The following SVOP variants were observed in gnomAD, a reference collection of about 807,000 sequenced individuals.
SVOP encodes the protein SV2 related protein, also known as synaptic vesicle 2-related protein.
In SVOP, 17 loss-of-function variants were observed where a neutral mutation model predicts 69.1. The observed-to-expected ratio is 0.25, with a 90% CI of 0.17 to 0.37. The LOEUF (loss-of-function observed/expected upper bound fraction) is 0.37, where lower values mean the gene tolerates loss of function less well. Ranked by LOEUF, SVOP falls within the 10% of genes least tolerant of loss-of-function variation. SVOP has a pLI of 1.00. For missense variants in SVOP, 435 were observed against 597.5 expected, an observed-to-expected ratio of 0.73 and a Z score of 2.84; for synonymous variants, 238 against 238.6, an observed-to-expected ratio of 1.00 and a Z score of 0.02.
At chr12:109,016,404 G>A (rs2040367886) in intron 1 of SVOP, among the ~76,000 whole-genome samples, 1 of 152,144 alleles carries the variant, frequency 6.6e-6, no homozygotes, top group South Asian at 2.1e-4. Flanking sequence ...TTGTAAGAAA[G>A]GAGACAGTAG....
chr12:108,951,039 T>C (rs1228797303), intron 6 of SVOP, among the ~76,000 whole-genome samples: 1 of 152,230 alleles, frequency 6.6e-6, no homozygotes, highest in South Asian at 2.1e-4. Context: ...AATTAGAGGC[T>C]TGCCATTTGG....
chr12:108,995,832 G>T (rs550875087), intron 1 of SVOP, among the ~76,000 whole-genome samples: 1 of 151,796 alleles, frequency 6.6e-6, no homozygotes, highest in Non-Finnish European at 1.5e-5. Flanking sequence ...ATCTGGGAGG[G>T]GGGAGGTTGC....
intron 6 of SVOP, among the ~76,000 whole-genome samples, chr12:108,952,798 G>A (rs1227165268): frequency 6.6e-6 from 1 of 152,170 alleles, no homozygotes; most frequent in Non-Finnish European, 1.5e-5. Context: ...GTTTGAGGCT[G>A]CAGGGAGGTA....
chr12:108,979,011 T>G (rs1050141019), intron 2 of SVOP, among the ~76,000 whole-genome samples: 7 of 152,182 alleles, frequency 4.6e-5, no homozygotes, highest in Non-Finnish European at 7.4e-5. Context: ...ATATTGTTAA[T>G]TAATGTTTAA....
chr12:109,015,369 A>G lies in SVOP; in HGVS notation c.35+5465T>C, dbSNP rs368174275. Among the ~76,000 whole-genome samples the G allele has an allele frequency of 1.5e-4, 23 of 152,340 alleles. 3 individuals carry two copies. The highest frequency in any genetic ancestry group is 5.9e-4 in the Admixed American group (9 of 15,304). On this transcript the variant is annotated intron_variant, in intron 1 of 15. Transcript: ENST00000610966. ...GGTTGAGAATGGGCTATAGGGAGGC[A>G]AGGGCAGGAGCGGGAAAACCAGCAC...
chr12:109,002,764 C>T lies in SVOP; in HGVS notation c.35+18070G>A, dbSNP rs1419246669. ...ATAGGTGGGAATTGAACAATGAGAT[C>T]ACATGGACACAGGAAGGGAAATATC... On this transcript the variant is annotated intron_variant, in intron 1 of 15. Coordinates refer to ENST00000610966, the MANE Select transcript of SVOP (RefSeq NM_018711.5). Among the ~76,000 whole-genome samples the T allele has an allele frequency of 2.2e-5, 3 of 136,502 alleles. No homozygotes were observed. The East Asian group carries it at 6.4e-4, about 29-fold the overall frequency. The allele number at this position is 136,502 out of a possible 152,430, so 89.6% of individuals were successfully genotyped here.
chr12:108,927,930 G>C (rs1016770670), intron 11 of SVOP, among the ~76,000 whole-genome samples: 2 of 143,480 alleles, frequency 1.4e-5, no homozygotes, highest in African/African-American at 5.2e-5. Flanking sequence ...TTTTGAGAGA[G>C]AGTCTCATAC....
At chr12:108,955,983 A>G (rs1463816925) in intron 6 of SVOP, among the ~76,000 whole-genome samples, 1 of 152,168 alleles carries the variant, frequency 6.6e-6, no homozygotes, top group Non-Finnish European at 1.5e-5. Context: ...GTCTGGTTTC[A>G]GAGCCCATGA....
chr12:109,009,291 T>A (rs1357524896), intron 1 of SVOP, among the ~76,000 whole-genome samples: 1 of 151,936 alleles, frequency 6.6e-6, no homozygotes, highest in Admixed American at 6.6e-5. Context: ...ATTCACTCAT[T>A]CATTTAACAA....
chr12:109,020,705 CT>C, intron 1 of SVOP, 128 bp downstream of exon 1: 2 of 504,854 alleles, frequency 4.0e-6, no homozygotes, highest in South Asian at 4.0e-5. Context: ...GCCCTAATTC[CT>C]TCCTCTGAAA....
chr12:109,017,737 T>C (rs1257737136), intron 1 of SVOP, among the ~76,000 whole-genome samples: 2 of 151,946 alleles, frequency 1.3e-5, no homozygotes, highest in Non-Finnish European at 2.9e-5. Context: ...AGAGACAGTG[T>C]TTCACCATGT....
At chr12:108,981,228 C>T (rs2040133684) in intron 2 of SVOP, among the ~76,000 whole-genome samples, 1 of 152,126 alleles carries the variant, frequency 6.6e-6, no homozygotes, top group African/African-American at 2.4e-5. Flanking sequence ...TCATTTAATC[C>T]CCATCACAAT....
At chr12:108,940,623 G>A (rs1467450741) in intron 8 of SVOP, among the ~76,000 whole-genome samples, 161 bp downstream of exon 8, 3 of 152,070 alleles carry the variant, frequency 2.0e-5, no homozygotes, top group Non-Finnish European at 4.4e-5. Context: ...ACTCCATACT[G>A]GGGCTACCCC....
chr12:108,991,821 T>C (rs36169194), intron 1 of SVOP, among the ~76,000 whole-genome samples: 134,657 of 151,446 alleles, frequency 0.89, 60,975 homozygotes, highest in Non-Finnish European at 0.99. Context: ...TAGCACATAC[T>C]TGTGGTCTTG....
At chr12:108,988,324 A>G (rs1189237285) in intron 1 of SVOP, among the ~76,000 whole-genome samples, 5 of 152,206 alleles carry the variant, frequency 3.3e-5, no homozygotes, top group Non-Finnish European at 7.4e-5. Flanking sequence ...AGTCCAGATC[A>G]TAAGGCTTTT....
intron 1 of SVOP, among the ~76,000 whole-genome samples, chr12:108,989,696 A>G (rs1157874988): frequency 6.6e-6 from 1 of 152,238 alleles, no homozygotes; most frequent in East Asian, 1.9e-4. Flanking sequence ...CAACACTGGC[A>G]ATAGCTGGGG....
At position 108,908,942 on chromosome 12, in the gene SVOP, C is replaced by T. The variant is rs761194218; in HGVS notation, c.*3593G>A. 2 of 152,214 alleles carry T rather than the reference C, an allele frequency of 1.3e-5. No homozygotes were observed. The highest frequency in any genetic ancestry group is 2.9e-5 in the Non-Finnish European group (2 of 68,060). The allele number at this position is 152,214 out of a possible 1,614,324, so 9.4% of individuals were successfully genotyped here. ...TGATCAATGAGAAGCAATGGTAAAT[C>T]TGCCAGGGGACTTCCTTTTCTAACC... On this transcript the variant is annotated 3_prime_UTR_variant, in exon 16 of 16. Coordinates refer to ENST00000610966, the MANE Select transcript of SVOP (RefSeq NM_018711.5).
intron 4 of SVOP, among the ~76,000 whole-genome samples, chr12:108,974,423 C>T (rs963949557): frequency 4.6e-5 from 7 of 152,136 alleles, no homozygotes; most frequent in Non-Finnish European, 7.3e-5. Flanking sequence ...TTAGAGCCTT[C>T]TCATCTCAGA....
rs376565135 is a variant in SVOP at position 108,970,425 on chromosome 12, A to G, written c.453+1980T>C. On this transcript the variant is annotated intron_variant, in intron 5 of 15. Transcript: ENST00000610966. ...GATTGGATGAGCTAACGCATGAACC[A>G]TACTTTGCATCATGCCTGCTATACA... is the stretch of plus-strand genomic sequence containing the variant. Among the ~76,000 whole-genome samples the G allele has an allele frequency of 1.7e-4, 26 of 152,324 alleles. No individual in the cohort carries two copies. The South Asian group carries it at 4.8e-3, about 28-fold the overall frequency.
Sources: allele counts gnomAD v4.1 joint callset (sites outside exome capture counted in the v4.1 genomes callset), GRCh38; gene constraint gnomAD v4.1.1; transcripts MANE v1.5; gene names NCBI Gene and HGNC (gene_info 2026-07-23, HGNC 2026-07-21).